SNX30: variants seen among roughly 807,000 people sequenced by gnomAD.
SNX30 encodes the protein sorting nexin family member 30.
A neutral mutation model predicts 46.4 loss-of-function variants in SNX30; 24 were observed. The observed-to-expected ratio is 0.52, with a 90% CI of 0.37 to 0.73. The LOEUF (loss-of-function observed/expected upper bound fraction) is 0.73, where lower values mean the gene tolerates loss of function less well. Ranked by LOEUF, SNX30 falls within the 30% of genes least tolerant of loss-of-function variation. The probability of loss-of-function intolerance (pLI) is 0.00; values close to 1 mark genes in which losing one functional copy is unlikely to be tolerated. For missense variants in SNX30, 533 were observed against 555.7 expected, an observed-to-expected ratio of 0.96 and a Z score of 0.41; for synonymous variants, 189 against 211.5, an observed-to-expected ratio of 0.89 and a Z score of 0.92.
intron 5 of SNX30, among the ~76,000 whole-genome samples, chr9:112,837,321 T>A (rs1310275620): frequency 6.6e-6 from 1 of 152,114 alleles, no homozygotes; most frequent in Non-Finnish European, 1.5e-5. Context: ...CACCTAAGGA[T>A]CTTGCAGAGT....
At chr9:112,754,136 A>G (rs1432192608) in intron 1 of SNX30, among the ~76,000 whole-genome samples, 1 of 152,192 alleles carries the variant, frequency 6.6e-6, no homozygotes. Context: ...GTACAGGGTT[A>G]TTATGCAAAG....
intron 3 of SNX30, 57 bp from the exon 4 acceptor site, chr9:112,830,668 G>A (rs1289807239): frequency 2.6e-6 from 4 of 1,535,370 alleles, no homozygotes; most frequent in Non-Finnish European, 3.5e-6. Flanking sequence ...TAGCCTGGTT[G>A]TTTTTCCTTG....
intron 1 of SNX30, among the ~76,000 whole-genome samples, chr9:112,753,999 G>T (rs1350946894): frequency 6.6e-6 from 1 of 152,208 alleles, no homozygotes; most frequent in East Asian, 1.9e-4. Flanking sequence ...GGACAGTTCA[G>T]TGCTATGGTC....
intron 6 of SNX30, 142 bp downstream of exon 6, chr9:112,838,839 A>G (rs1840810335): frequency 5.8e-6 from 4 of 692,622 alleles, no homozygotes; most frequent in East Asian, 2.7e-5. Flanking sequence ...GACTGACATC[A>G]TGGACATATA....
intron 1 of SNX30, among the ~76,000 whole-genome samples, chr9:112,772,554 G>A (rs1257011191): frequency 6.6e-6 from 1 of 152,162 alleles, no homozygotes; most frequent in Non-Finnish European, 1.5e-5. Flanking sequence ...CATGGTTTGA[G>A]CAAAATGGTC....
chr9:112,845,596 A>T (rs1443970235), intron 6 of SNX30, among the ~76,000 whole-genome samples: 1 of 152,150 alleles, frequency 6.6e-6, no homozygotes, highest in Non-Finnish European at 1.5e-5. Context: ...AAGATTAGTG[A>T]TGTTGAGACT....
chr9:112,823,274 C>T (rs142807610), intron 3 of SNX30, among the ~76,000 whole-genome samples: 1 of 152,202 alleles, frequency 6.6e-6, no homozygotes, highest in Non-Finnish European at 1.5e-5. Context: ...ATGTATCCCC[C>T]TAGGATAAGG....
At chr9:112,845,724 G>A (rs1257114517) in intron 6 of SNX30, among the ~76,000 whole-genome samples, 1 of 152,208 alleles carries the variant, frequency 6.6e-6, no homozygotes, top group Admixed American at 6.5e-5. Flanking sequence ...GGCTGGCGAT[G>A]GAGAACCAGG....
At chr9:112,851,634 A>G (rs1441358500) in intron 7 of SNX30, among the ~76,000 whole-genome samples, 1 of 152,218 alleles carries the variant, frequency 6.6e-6, no homozygotes, top group Admixed American at 6.5e-5. Flanking sequence ...TATCAGGACA[A>G]AGGAATTGTA....
downstream of SNX30, chr9:112,879,441 T>A (rs1358501049): frequency 7.4e-6 from 2 of 271,134 alleles, no homozygotes; most frequent in Non-Finnish European, 1.4e-5. Flanking sequence ...GTAGCTGGAG[T>A]CTGAAGCCCC....
In SNX30 at chr9:112,768,647, C is replaced by CTTCTTCT. The variant is rs1554748345; in HGVS notation, c.156+17492_156+17493insCTTCTTT. ...AAGTTTCTCTAGATAATTCTTTCTTCTTTTTTTTTTTTTTTTTTTTTTTTT... is the reference window on the plus strand; with the variant it reads ...AAGTTTCTCTAGATAATTCTTTCTTCTTCTTCTTTTTTTTTTTTTTTTTTTTTTTTTT... On this transcript the variant is annotated intron_variant, in intron 1 of 8. Coordinates refer to ENST00000374232, the MANE Select transcript of SNX30 (RefSeq NM_001012994.2). Among the ~76,000 whole-genome samples the CTTCTTCT allele has an allele frequency of 3.8e-3, 243 of 64,344 alleles. 20 individuals are homozygous for CTTCTTCT. Among genetic ancestry groups the CTTCTTCT allele is most frequent in the Non-Finnish European group, 5.6e-3 (171 of 30,372 alleles). 42.2% of individuals were successfully genotyped at this position (64,344 alleles called of 152,430 possible).
intron 1 of SNX30, among the ~76,000 whole-genome samples, chr9:112,758,615 C>T (rs1337867846): frequency 6.6e-6 from 1 of 152,156 alleles, no homozygotes; most frequent in South Asian, 2.1e-4. Flanking sequence ...AGGTTGGTCT[C>T]GAACTCCTGA....
intron 1 of SNX30, among the ~76,000 whole-genome samples, chr9:112,797,713 T>TC (rs1428482595): frequency 7.0e-6 from 1 of 142,304 alleles, no homozygotes; most frequent in Non-Finnish European, 1.5e-5. Flanking sequence ...TTCTTTTTCT[T>TC]TTTTTTTTTT....
intron 2 of SNX30, among the ~76,000 whole-genome samples, chr9:112,815,628 TG>T (rs34590793): frequency 6.6e-6 from 1 of 152,222 alleles, no homozygotes; most frequent in Non-Finnish European, 1.5e-5. Context: ...CCCAAAGTGC[TG>T]GGATTACAGG....
At chr9:112,765,223 A>C (rs1839515735) in intron 1 of SNX30, among the ~76,000 whole-genome samples, 1 of 152,222 alleles carries the variant, frequency 6.6e-6, no homozygotes, top group Non-Finnish European at 1.5e-5. Context: ...CAAGAATAGA[A>C]CAGGAATTTG....
At chr9:112,879,652 C>G, downstream of SNX30, 1 of 983,434 alleles carries the variant, frequency 1.0e-6, no homozygotes, top group Admixed American at 1.9e-5. Flanking sequence ...GGCTGGAACG[C>G]AGGTTTCTTA....
At chr9:112,779,299 G>T (rs943966684) in intron 1 of SNX30, among the ~76,000 whole-genome samples, 6 of 152,314 alleles carry the variant, frequency 3.9e-5, no homozygotes, top group Middle Eastern at 3.4e-3. Flanking sequence ...TCACTGTGGT[G>T]AGCTTTTTGT....
In SNX30 at chr9:112,786,460, T is replaced by G. The variant is rs1588115517; in HGVS notation, c.157-18316T>G. On this transcript the variant is annotated intron_variant, in intron 1 of 8. Coordinates refer to ENST00000374232, the MANE Select transcript of SNX30 (RefSeq NM_001012994.2). ...TGACTTCATTTTACACCTCATAGTT[T>G]ATAGCTAAGTAAGGCTGTAAGAGTT... Among the ~76,000 whole-genome samples, 2 of 152,012 alleles carry G rather than the reference T, an allele frequency of 1.3e-5. 1 individual carries two copies. Among genetic ancestry groups the G allele is most frequent in the South Asian group, 4.2e-4 (2 of 4,810 alleles).
intron 3 of SNX30, among the ~76,000 whole-genome samples, chr9:112,826,141 AG>A (rs1840576403): frequency 6.6e-6 from 1 of 152,214 alleles, no homozygotes; most frequent in Non-Finnish European, 1.5e-5. Flanking sequence ...CTTATTCAGC[AG>A]AAGCAAATGA....
Sources: allele counts gnomAD v4.1 joint callset (sites outside exome capture counted in the v4.1 genomes callset), GRCh38; gene constraint gnomAD v4.1.1; transcripts MANE v1.5; gene names NCBI Gene and HGNC (gene_info 2026-07-23, HGNC 2026-07-21).